Variants in TTC17 observed in about 807,000 individuals in gnomAD.
TTC17 encodes tetratricopeptide repeat protein 17.
In TTC17, 58 loss-of-function variants were observed where a neutral mutation model predicts 143.8. That is an observed-to-expected ratio of 0.40 (90% CI 0.33 to 0.50). TTC17 has a LOEUF of 0.50. TTC17 is among the 20% of genes least tolerant of loss of function. TTC17 has a pLI of 0.49. For missense variants in TTC17, 1,273 were observed against 1,392.5 expected (o/e 0.91, Z 1.37); for synonymous variants, 501 against 497.8 (o/e 1.01, Z -0.09).
chr11:43,405,642 G>A lies in TTC17; in HGVS notation c.1595+13G>A. On this transcript the variant is annotated intron_variant, in intron 12 of 23. Transcript: ENST00000039989. ...ACAAAGGACTCAGGCAAGTGGTGAT[G>A]GATTTGGCAAAGCACCTGATTCTGC... 1 of 1,613,384 alleles carries A rather than the reference G, an allele frequency of 6.2e-7. No homozygotes were observed. The highest frequency in any genetic ancestry group is 8.5e-7 in the Non-Finnish European group (1 of 1,179,394).
At chr11:43,359,183 T>C (rs1855987463) in intron 1 of TTC17, 70 bp downstream of exon 1, 1 of 1,458,496 alleles carries the variant, frequency 6.9e-7, no homozygotes, top group Non-Finnish European at 9.1e-7. Context: ...GCTTGGCCCC[T>C]GGCTGTTGGG....
intron 11 of TTC17, among the ~76,000 whole-genome samples, chr11:43,404,493 C>G (rs1273757538): frequency 6.6e-6 from 1 of 152,162 alleles, no homozygotes; most frequent in African/African-American, 2.4e-5. Context: ...TGAACTCCCA[C>G]CTGTGTGCCA....
intron 19 of TTC17, chr11:43,449,599 CTAAA>C (rs1386922772): frequency 6.6e-6 from 1 of 152,436 alleles, no homozygotes; most frequent in East Asian, 1.9e-4. Context: ...GTAATAGGCT[CTAAA>C]TAAATAATGA....
intron 1 of TTC17, among the ~76,000 whole-genome samples, chr11:43,368,354 C>T (rs189947866): frequency 6.6e-6 from 1 of 152,186 alleles, no homozygotes. Context: ...TAGTTGTCAT[C>T]ACAAATACAT....
intron 15 of TTC17, among the ~76,000 whole-genome samples, chr11:43,410,696 C>T (rs1858369508): frequency 6.6e-6 from 1 of 152,202 alleles, no homozygotes; most frequent in African/African-American, 2.4e-5. Context: ...ACTTAGATGT[C>T]TAAAGGGCGC....
rs1405954933 is a variant in TTC17, at chr11:43,494,812, A to G, written c.*908A>G. 3 of 152,220 alleles carry G rather than the reference A, an allele frequency of 2.0e-5. No homozygotes were observed. The highest frequency in any genetic ancestry group is 2.9e-5 in the Non-Finnish European group (2 of 68,038). The allele number at this position is 152,220 out of a possible 1,614,324, so 9.4% of individuals were successfully genotyped here. A position where few individuals can be genotyped will look rare whatever the true frequency, so the allele number is the denominator to read the frequency against. ...AGCTCCTCAGGAGGGTAATGAGCCAAGGTTGAGTGTTTCCATACAATGCTT... is the reference window on the plus strand; with the variant it reads ...AGCTCCTCAGGAGGGTAATGAGCCAGGGTTGAGTGTTTCCATACAATGCTT... On this transcript the variant is annotated 3_prime_UTR_variant, in exon 24 of 24. Transcript: ENST00000039989.
intron 21 of TTC17, among the ~76,000 whole-genome samples, chr11:43,465,740 A>G (rs1411850780): frequency 1.3e-5 from 2 of 152,220 alleles, no homozygotes; most frequent in African/African-American, 2.4e-5. Context: ...TTCATATGCA[A>G]AAGAATGAAG....
chr11:43,432,983 T>C (rs1947193895), intron 16 of TTC17, among the ~76,000 whole-genome samples: 1 of 148,944 alleles, frequency 6.7e-6, no homozygotes. Flanking sequence ...TTTGTTGGTT[T>C]TTTGGGTGTT....
chr11:43,466,804 C>A, intron 21 of TTC17: 2 of 305,604 alleles, frequency 6.5e-6, no homozygotes, highest in East Asian at 8.7e-5. Context: ...ATTGTGGAAG[C>A]CATGGAATGC....
At chr11:43,372,330 GC>G (rs1363578195) in intron 1 of TTC17, among the ~76,000 whole-genome samples, 22 of 150,988 alleles carry the variant, frequency 1.5e-4, no homozygotes, top group African/African-American at 4.4e-4. Context: ...TTGAGAAGGA[GC>G]CACTCTTGTC....
chr11:43,476,916 C>T (rs143894258), intron 21 of TTC17, among the ~76,000 whole-genome samples: 5,162 of 152,246 alleles, frequency 0.034, 107 homozygotes, highest in Middle Eastern at 0.078. Flanking sequence ...TCTTTTCTAT[C>T]GCATAGTCAG....
At chr11:43,455,808 C>G (rs1947751639) in intron 21 of TTC17, among the ~76,000 whole-genome samples, 1 of 151,966 alleles carries the variant, frequency 6.6e-6, no homozygotes, top group African/African-American at 2.4e-5. Context: ...CCAAAAATTT[C>G]CAATGCTGCT....
chr11:43,359,140 C>A, intron 1 of TTC17, 27 bp downstream of exon 1: 1 of 1,553,206 alleles, frequency 6.4e-7, no homozygotes, highest in East Asian at 2.5e-5. Flanking sequence ...CCCTCTTCTC[C>A]CGTGCCCGCC....
chr11:43,398,411 G>A (rs1482678564), intron 8 of TTC17, among the ~76,000 whole-genome samples: 2 of 152,188 alleles, frequency 1.3e-5, no homozygotes, highest in Non-Finnish European at 2.9e-5. Context: ...TTGGGGTGGG[G>A]AGACTGGGAT....
chr11:43,366,898 C>G (rs1233389776), intron 1 of TTC17, among the ~76,000 whole-genome samples: 3 of 152,116 alleles, frequency 2.0e-5, no homozygotes, highest in Non-Finnish European at 4.4e-5. Flanking sequence ...ATATGTTGTT[C>G]TTCCCCCAAC....
intron 2 of TTC17, among the ~76,000 whole-genome samples, chr11:43,386,845 T>C (rs1464999310): frequency 3.3e-5 from 5 of 152,134 alleles, no homozygotes; most frequent in Non-Finnish European, 7.4e-5. Flanking sequence ...GGAAAGCAGG[T>C]AGGATGATCA....
At chr11:43,371,447 T>C (rs1856564160) in intron 1 of TTC17, among the ~76,000 whole-genome samples, 1 of 152,236 alleles carries the variant, frequency 6.6e-6, no homozygotes, top group Admixed American at 6.5e-5. Flanking sequence ...TTATGTTTAC[T>C]GGTTTATTAT....
rs192933517 is a variant in TTC17, at chr11:43,426,585, C to T, written c.2251+11809C>T. The stretch of plus-strand genomic sequence containing the variant: ...ACATTGTTTGATAGAGGGACTTCAG[C>T]GGGATTTTTTAAACTTTGGTTTGAA... On this transcript the variant is annotated intron_variant, in intron 16 of 23. Transcript: ENST00000039989. Among the ~76,000 whole-genome samples the T allele has an allele frequency of 1.1e-4, 16 of 152,258 alleles. No homozygotes were observed. The East Asian group carries it at 1.7e-3, about 17-fold the overall frequency.
At chr11:43,414,827 CT>C in intron 16 of TTC17, 51 bp downstream of exon 16, 1 of 1,554,380 alleles carries the variant, frequency 6.4e-7, no homozygotes, top group Non-Finnish European at 8.7e-7. Flanking sequence ...CAGAGTTCCT[CT>C]TCTGATCAAA....
Sources: allele counts gnomAD v4.1 joint callset (sites outside exome capture counted in the v4.1 genomes callset), GRCh38; gene constraint gnomAD v4.1.1; transcripts MANE v1.5; gene names NCBI Gene and HGNC (gene_info 2026-07-23, HGNC 2026-07-21).